Variants in IFT122 observed in about 807,000 individuals in gnomAD.
The protein encoded by IFT122 is intraflagellar transport 122, also known as intraflagellar transport protein 122 homolog.
IFT122 carries 118 observed loss-of-function variants against 161.6 expected under a neutral mutation model. That is an observed-to-expected ratio of 0.73 (90% CI 0.63 to 0.85). The LOEUF (loss-of-function observed/expected upper bound fraction) is 0.85. IFT122 is among the 40% of genes least tolerant of loss of function. IFT122 has a pLI of 0.00. For missense variants in IFT122, 1,381 were observed against 1,579.6 expected (o/e 0.87, Z 2.13); for synonymous variants, 550 against 602.4 (o/e 0.91, Z 1.27).
chr3:129,448,879 G>T (rs538465182), intron 1 of IFT122, among the ~76,000 whole-genome samples: 1 of 151,756 alleles, frequency 6.6e-6, no homozygotes, highest in South Asian at 2.1e-4. Context: ...TTGTATTTTT[G>T]GTAGAGACAA....
intron 9 of IFT122, among the ~76,000 whole-genome samples, chr3:129,473,365 T>G (rs1365344221): frequency 1.3e-5 from 2 of 152,232 alleles, no homozygotes; most frequent in African/African-American, 4.8e-5. Context: ...TCCATTGATT[T>G]TTTTCCCTTG....
At position 129,502,804 on chromosome 3, in the gene IFT122, T is replaced by C. The variant is rs778258261; in HGVS notation, c.2469T>C (p.Tyr823=). 1.2e-6 allele frequency: 2 copies of C among 1,613,198 alleles called. No homozygotes were observed. The highest frequency in any genetic ancestry group is 1.3e-5 in the African/African-American group (1 of 74,942). The change falls in exon 20 of 30, where the codon TAT becomes TAC. Residue 823 remains tyrosine, a synonymous_variant. Coordinates refer to ENST00000348417, the MANE Select transcript of IFT122 (RefSeq NM_052989.3). ...TYLKKLDSPG[Y]AAETYLKMGD... ...TCAAGAAGCTGGACAGCCCTGGCTA[T>C]GCTGCTGAGACCTACCTGAAGATGG...
chr3:129,481,693 A>G lies in IFT122; in HGVS notation c.1652A>G (p.Gln551Arg), dbSNP rs773941074. Residue 551 changes from glutamine to arginine, a missense_variant and splice_region_variant, in exon 14 of 30, where the codon CAG becomes CGG. Around this residue, in one of 7 missense-constraint regions of IFT122, gnomAD observed 544 missense variants for 648.0 expected, o/e 0.84. Transcript: ENST00000348417. ...ATCGACACCAAGGAGCTGCTTTTTC[A>G]GGTGAAGTCCCTGAGGGGGCCCAGG... ...YDIDTKELLF[Q>R]EPNANSVAWN... 1.2e-6 allele frequency: 2 copies of G among 1,613,864 alleles called. No individual in the cohort carries two copies.
rs1290999901 is a variant in IFT122, at chr3:129,475,251, A to G, written c.817-1064A>G. The stretch of plus-strand genomic sequence containing the variant: ...CAATGAGATAATTCGCACTCACTAA[A>G]ATGGAGAAATTGGAATCCTCATACA... On this transcript the variant is annotated intron_variant, in intron 9 of 29. Coordinates refer to ENST00000348417, the MANE Select transcript of IFT122 (RefSeq NM_052989.3). Among the ~76,000 whole-genome samples, 5 of 152,242 alleles carry G rather than the reference A, an allele frequency of 3.3e-5. 1 individual carries two copies. Among genetic ancestry groups the G allele is most frequent in the Non-Finnish European group, 5.9e-5 (4 of 68,038 alleles).
intron 19 of IFT122, among the ~76,000 whole-genome samples, chr3:129,501,794 C>T (rs2081587694): frequency 6.6e-6 from 1 of 152,186 alleles, no homozygotes; most frequent in Non-Finnish European, 1.5e-5. Context: ...CCACCTTTCC[C>T]TAAAAACGTG....
At chr3:129,440,405 G>A (rs1476944803) in intron 1 of IFT122, 34 bp downstream of exon 1, 5 of 1,549,394 alleles carry the variant, frequency 3.2e-6, no homozygotes, top group Non-Finnish European at 2.6e-6. Flanking sequence ...AGAGCAGGAG[G>A]TCGAGTCCTC....
intron 23 of IFT122, among the ~76,000 whole-genome samples, chr3:129,509,112 T>C (rs1237612271): frequency 6.6e-6 from 1 of 152,246 alleles, no homozygotes; most frequent in African/African-American, 2.4e-5. Flanking sequence ...ACGGTTGTCA[T>C]GTAAAGTCCA....
Position 129,479,837 on chromosome 3 carries a change from A to G in IFT122, c.1403A>G (p.Gln468Arg), listed in dbSNP as rs1240447161. Reference sequence around the variant, plus strand: ...AGCGGAGTGAAGGAGCGGGAGTGGCAGATGGAGTCTCTCATTCGTTACATC... The same window carrying G: ...AGCGGAGTGAAGGAGCGGGAGTGGCGGATGGAGTCTCTCATTCGTTACATC... ...SFSGVKEREWQMESLIRYIKV... is the reference protein window; with the variant it reads ...SFSGVKEREWRMESLIRYIKV... The change falls in exon 13 of 30, where the codon CAG becomes CGG. Residue 468 changes from glutamine to arginine, a missense_variant. Transcript: ENST00000348417. The G allele has an allele frequency of 6.2e-7, 1 of 1,614,074 alleles. No individual in the cohort carries two copies.
At chr3:129,475,398 T>A (rs1008833228) in intron 9 of IFT122, among the ~76,000 whole-genome samples, 1 of 152,190 alleles carries the variant, frequency 6.6e-6, no homozygotes, top group Non-Finnish European at 1.5e-5. Context: ...ACTCCTGTAA[T>A]CCCAGCACTT....
intron 9 of IFT122, among the ~76,000 whole-genome samples, chr3:129,473,782 G>T (rs2077613087): frequency 6.6e-6 from 1 of 152,322 alleles, no homozygotes. Flanking sequence ...GAAGAGGGCT[G>T]CCCTCAGGCA....
At chr3:129,513,898 C>T in intron 24 of IFT122, 1 of 288,576 alleles carries the variant, frequency 3.5e-6, no homozygotes, top group Non-Finnish European at 6.8e-6. Flanking sequence ...GGCTGCCGCT[C>T]AGAAACTGCC....
At chr3:129,445,336 AAAAC>A (rs2073862457) in intron 1 of IFT122, among the ~76,000 whole-genome samples, 2 of 152,318 alleles carry the variant, frequency 1.3e-5, no homozygotes, top group African/African-American at 2.4e-5. Context: ...AAAAAAAACA[AAAAC>A]AAAAACAAAA....
At chr3:129,498,769 A>C (rs1327490655) in intron 18 of IFT122, among the ~76,000 whole-genome samples, 2 of 152,202 alleles carry the variant, frequency 1.3e-5, no homozygotes, top group African/African-American at 2.4e-5. Flanking sequence ...TGAGGCTGAC[A>C]CAAAGTACTC....
intron 9 of IFT122, among the ~76,000 whole-genome samples, chr3:129,474,324 TA>T (rs2077675901): frequency 6.6e-6 from 1 of 152,250 alleles, no homozygotes; most frequent in African/African-American, 2.4e-5. Context: ...ACCAGTTCCC[TA>T]AAGTTATTTC....
chr3:129,514,016 C>A, intron 24 of IFT122: 2 of 369,552 alleles, frequency 5.4e-6, no homozygotes, highest in Admixed American at 7.5e-5. Context: ...CCCCACCTGG[C>A]AGGGTGAGAG....
intron 6 of IFT122, 112 bp from the exon 7 acceptor site, chr3:129,464,523 C>A: frequency 8.2e-7 from 1 of 1,224,092 alleles, no homozygotes; most frequent in Non-Finnish European, 1.2e-6. Flanking sequence ...CATATCCCAG[C>A]TGTTGCTGCC....
chr3:129,513,920 C>T (rs902564574), intron 24 of IFT122: 10 of 295,222 alleles, frequency 3.4e-5, no homozygotes, highest in Admixed American at 4.8e-5. Flanking sequence ...ACCAGGCCCT[C>T]GGGGAAGGGT....
intron 9 of IFT122, among the ~76,000 whole-genome samples, chr3:129,473,905 A>C (rs1169806421): frequency 1.3e-5 from 2 of 149,620 alleles, no homozygotes; most frequent in Admixed American, 1.3e-4. Context: ...TGTTGTTTAT[A>C]GTTGGTCCAG....
chr3:129,496,655 A>G (rs1031249218), intron 18 of IFT122, among the ~76,000 whole-genome samples: 23 of 152,136 alleles, frequency 1.5e-4, no homozygotes, highest in South Asian at 4.2e-4. Context: ...CCCAGGACCT[A>G]TTGTTCATCA....
Sources: gnomAD v4.1 joint callset for allele counts (sites outside exome capture counted in the v4.1 genomes callset) on GRCh38, gnomAD v4.1.1 for gene constraint, gnomAD v4.1.1 regional missense constraint, MANE v1.5 for transcripts, NCBI Gene and HGNC (gene_info 2026-07-23, HGNC 2026-07-21) for gene names.